Variants in PLEKHM2 observed in about 807,000 individuals in gnomAD.
PLEKHM2 encodes pleckstrin homology and RUN domain containing M2.
Under a neutral mutation model 116.3 loss-of-function variants are expected in PLEKHM2, and 77 were observed. The ratio of observed to expected loss-of-function variants is 0.66; its 90% CI spans 0.55 to 0.80. The LOEUF (loss-of-function observed/expected upper bound fraction) is 0.80, where lower values mean the gene tolerates loss of function less well. Ranked by LOEUF, PLEKHM2 falls within the 30% of genes least tolerant of loss-of-function variation. The pLI, the probability that PLEKHM2 is intolerant of heterozygous loss-of-function variation, is 0.00. For synonymous variants in PLEKHM2, 562 were observed against 571.0 expected, an observed-to-expected ratio of 0.98 and a Z score of 0.22; for missense variants, 1,183 against 1,354.9, an observed-to-expected ratio of 0.87 and a Z score of 1.99.
Position 15,728,799 on chromosome 1 carries a change from AG to A in PLEKHM2, c.1986+67del. The A allele has an allele frequency of 7.0e-7, 1 of 1,424,078 alleles. No homozygotes were observed. Among genetic ancestry groups the A allele is most frequent in the Non-Finnish European group, 9.7e-7 (1 of 1,026,636 alleles). The allele number at this position is 1,424,078 out of a possible 1,614,324, so 88.2% of individuals were successfully genotyped here. ...AGGGCTTCTCAAGCCACTTACCCAT[AG>A]AACTGCAGGGCGAGGCACGGCCCCT... On this transcript the variant is annotated intron_variant, in intron 12 of 19. Transcript: ENST00000375799. This position sits in a 1 kb window ranked among gnomAD's most constrained non-coding sequence, Gnocchi z 5.9.
intron 19 of PLEKHM2, among the ~76,000 whole-genome samples, chr1:15,733,221 C>T (rs563554983): frequency 1.3e-5 from 2 of 152,332 alleles, no homozygotes; most frequent in East Asian, 3.9e-4. Flanking sequence ...ATCAAAAGGA[C>T]AAAACCCTGA....
chr1:15,716,244 G>T lies in PLEKHM2; in HGVS notation c.68G>T (p.Ser23Ile). 1 of 1,576,260 alleles carries T rather than the reference G, an allele frequency of 6.3e-7. No individual in the cohort carries two copies. Among genetic ancestry groups the T allele is most frequent in the Non-Finnish European group, 8.6e-7 (1 of 1,156,116 alleles). ...TGTTTTTTTTTCTTTCAGTTGCAGA[G>T]CTATTTTGCTGCATGTGAGGATGAG... ...NISLSVKKLQ[S>I]YFAACEDEIP... Residue 23 changes from serine to isoleucine, a missense_variant, in exon 2 of 20, where the codon AGC (serine) becomes ATC (isoleucine). By Grantham distance (142) the Ser-to-Ile change is moderately radical. Around this residue, in one of 3 missense-constraint regions of PLEKHM2, gnomAD observed 217 missense variants for 277.6 expected, o/e 0.78. Coordinates refer to ENST00000375799, the MANE Select transcript of PLEKHM2 (RefSeq NM_015164.4).
At chr1:15,730,753 C>T (rs369931051) in intron 15 of PLEKHM2, 31 bp downstream of exon 15, 2 of 1,554,020 alleles carry the variant, frequency 1.3e-6, no homozygotes, top group South Asian at 1.2e-5. Context: ...AGGCCTGGGG[C>T]TTGGGCCCTG....
rs2067959945 is a variant in PLEKHM2 at position 15,719,591 on chromosome 1, C to T, written c.466-143C>T. The T allele has an allele frequency of 1.0e-5, 6 of 584,606 alleles. No homozygotes were observed. In the Admixed American group the frequency reaches 1.9e-4, roughly 18 times the overall value. 36.2% of individuals were successfully genotyped at this position (584,606 alleles called of 1,614,324 possible). A position where few individuals can be genotyped will look rare whatever the true frequency, so the allele number is the denominator to read the frequency against. ...ACACTATTCACATTGCTCTTCTTAG[C>T]AGCTTTTCTTTGAATTTACTACCTT... On this transcript the variant is annotated intron_variant, in intron 5 of 19. Coordinates refer to ENST00000375799, the MANE Select transcript of PLEKHM2 (RefSeq NM_015164.4). This position sits in a 1 kb window ranked among gnomAD's most constrained non-coding sequence, Gnocchi z 4.1.
At position 15,729,304 on chromosome 1, in the gene PLEKHM2, A is replaced by G. The variant is rs992118000; in HGVS notation, c.2075+114A>G. 6 of 837,434 alleles carry G rather than the reference A, an allele frequency of 7.2e-6. No homozygotes were observed. Among genetic ancestry groups the G allele is most frequent in the Non-Finnish European group, 1.2e-5 (6 of 501,166 alleles). 51.9% of individuals were successfully genotyped at this position (837,434 alleles called of 1,614,324 possible). On this transcript the variant is annotated intron_variant, in intron 13 of 19. Coordinates refer to ENST00000375799, the MANE Select transcript of PLEKHM2 (RefSeq NM_015164.4). This position sits in a 1 kb window ranked among gnomAD's most constrained non-coding sequence, Gnocchi z 4.7. ...GAAAGTGGGAGATCCAGGAGGGGAA[A>G]CCAGATGTATTCCCTCTGGAACCTG... is the stretch of plus-strand genomic sequence containing the variant.
intron 14 of PLEKHM2, 108 bp downstream of exon 14, chr1:15,730,037 T>C: frequency 3.0e-6 from 1 of 333,754 alleles, no homozygotes; most frequent in Non-Finnish European, 5.0e-6. Context: ...CATTTCACAA[T>C]CGCCTACCTG....
chr1:15,693,426 T>A (rs2148332860), intron 1 of PLEKHM2, among the ~76,000 whole-genome samples: 1 of 152,352 alleles, frequency 6.6e-6, no homozygotes. Flanking sequence ...CTTGTGACAC[T>A]GTGTGGTCCT....
rs776621339 is a variant in PLEKHM2 at position 15,721,555 on chromosome 1, A to G, written c.712+167A>G. Reference sequence around the variant, plus strand: ...TGGAATTCTGCAGTGGGAAAACTCAACCTCTAGCCATAGGCAAATCCCTTC... The same window carrying G: ...TGGAATTCTGCAGTGGGAAAACTCAGCCTCTAGCCATAGGCAAATCCCTTC... On this transcript the variant is annotated intron_variant, in intron 7 of 19. Transcript: ENST00000375799. This position sits in a 1 kb window ranked among gnomAD's most constrained non-coding sequence, Gnocchi z 5.1. Among the ~76,000 whole-genome samples, 7 of 151,996 alleles carry G rather than the reference A, an allele frequency of 4.6e-5. No homozygotes were observed. Among genetic ancestry groups the G allele is most frequent in the Admixed American group, 6.6e-5 (1 of 15,248 alleles).
In PLEKHM2 at chr1:15,732,473, A is replaced by G. The variant is rs1329615834; in HGVS notation, c.2749A>G (p.Lys917Glu). The change falls in exon 18 of 20, where the codon AAG (lysine) becomes GAG (glutamate). Residue 917 changes from lysine to glutamate, a missense_variant. Physicochemically the swap from Lys to Glu is moderately conservative, Grantham distance 56. This residue lies in a region of PLEKHM2 where 594 missense variants were observed against 720.1 expected (regional missense o/e 0.82). Transcript: ENST00000375799. ...TSFFRSLGTA[K>E]LGDISAVSTE... Reference sequence around the variant, plus strand: ...CTTCTTCCGCTCTTTGGGCACAGCCAAGCTGGGCGACATCAGCGCCGTCTC... The same window carrying G: ...CTTCTTCCGCTCTTTGGGCACAGCCGAGCTGGGCGACATCAGCGCCGTCTC... 1.2e-6 allele frequency: 2 copies of G among 1,605,754 alleles called. No homozygotes were observed. Among genetic ancestry groups the G allele is most frequent in the Non-Finnish European group, 8.5e-7 (1 of 1,176,518 alleles).
At chr1:15,685,718 G>A (rs1640757905) in intron 1 of PLEKHM2, among the ~76,000 whole-genome samples, 2 of 151,954 alleles carry the variant, frequency 1.3e-5, no homozygotes, top group African/African-American at 4.8e-5. Context: ...AGCAACACAG[G>A]CAAGCTATTT....
At chr1:15,716,564 ATGGTGTGAAGG>A (rs1319415993) in intron 2 of PLEKHM2, 132 bp from the exon 3 acceptor site, 6 of 757,796 alleles carry the variant, frequency 7.9e-6, no homozygotes, top group Non-Finnish European at 1.1e-5. Context: ...AAATGATATG[ATGGTGTGAAGG>A]TGTGCTGGGT....
Position 15,728,240 on chromosome 1 carries a change from CTGA to C in PLEKHM2, c.1831-26_1831-24del, listed in dbSNP as rs1557660869. The C allele has an allele frequency of 2.5e-6, 4 of 1,611,340 alleles. No individual in the cohort carries two copies. The highest frequency in any genetic ancestry group is 1.3e-5 in the African/African-American group (1 of 75,030). ...CGCTGGAGCGGCAGGAGCCACCTGC[CTGA>C]CCCTTGTCTGCTTCGGCCCCCAGAT... On this transcript the variant is annotated intron_variant, in intron 10 of 19. Transcript: ENST00000375799. The surrounding 1 kb of genome is among the most constrained non-coding windows in gnomAD (Gnocchi z 5.9).
At chr1:15,691,661 C>T (rs1441212977) in intron 1 of PLEKHM2, among the ~76,000 whole-genome samples, 6 of 152,150 alleles carry the variant, frequency 3.9e-5, no homozygotes, top group East Asian at 1.9e-4. Context: ...TAGTCGGGAT[C>T]GGGATTTACT....
At chr1:15,703,980 A>G (rs985509645) in intron 1 of PLEKHM2, among the ~76,000 whole-genome samples, 1 of 152,170 alleles carries the variant, frequency 6.6e-6, no homozygotes, top group Non-Finnish European at 1.5e-5. Flanking sequence ...TGCCTTTGAG[A>G]CAGAGGCCTC....
At chr1:15,686,942 G>A (rs887473638) in intron 1 of PLEKHM2, among the ~76,000 whole-genome samples, 1 of 151,748 alleles carries the variant, frequency 6.6e-6, no homozygotes, top group Non-Finnish European at 1.5e-5. Context: ...GAGCCACGGC[G>A]CCCAGCGTCT....
At chr1:15,699,365 C>T (rs1042349764) in intron 1 of PLEKHM2, among the ~76,000 whole-genome samples, 2 of 151,998 alleles carry the variant, frequency 1.3e-5, no homozygotes, top group African/African-American at 4.8e-5. Context: ...ACGATGGGCC[C>T]CAGTGTGTGA....
chr1:15,719,878 A>G lies in PLEKHM2; in HGVS notation c.610A>G (p.Asn204Asp). The change falls in exon 6 of 20, where the codon AAC (asparagine) becomes GAC (aspartate). Residue 204 changes from asparagine (N) to aspartate (D), a missense_variant. Physicochemically the swap from Asn to Asp is conservative, Grantham distance 23 (BLOSUM62 1). This residue lies in a region of PLEKHM2 where 217 missense variants were observed against 277.6 expected (regional missense o/e 0.78). Coordinates refer to ENST00000375799, the MANE Select transcript of PLEKHM2 (RefSeq NM_015164.4). The surrounding 1 kb of genome is among the most constrained non-coding windows in gnomAD (Gnocchi z 4.1). ...CTCTTTCAACTCCGTCACCTCCACC[A>G]ACCTGGAGTGGGATGACAGTGCGAT... ...LNSFNSVTSTNLEWDDSAIAP... is the reference protein window; with the variant it reads ...LNSFNSVTSTDLEWDDSAIAP... The G allele has an allele frequency of 1.2e-6, 2 of 1,613,644 alleles. No homozygotes were observed. Among genetic ancestry groups the G allele is most frequent in the Non-Finnish European group, 1.7e-6 (2 of 1,179,752 alleles).
At chr1:15,687,271 A>G (rs1640792883) in intron 1 of PLEKHM2, among the ~76,000 whole-genome samples, 1 of 151,760 alleles carries the variant, frequency 6.6e-6, no homozygotes, top group Non-Finnish European at 1.5e-5. Context: ...GGTTCACGCC[A>G]TTCTCCTGCC....
rs12741026 is a variant in PLEKHM2 at position 15,701,506 on chromosome 1, C to T, written c.61-14731C>T. ...TTGGCTAAGACTTAAAATACCCCAG[C>T]TGGCCGGGCACGGTGGCTCACGCCT... On this transcript the variant is annotated intron_variant, in intron 1 of 19. Coordinates refer to ENST00000375799, the MANE Select transcript of PLEKHM2 (RefSeq NM_015164.4). Among the ~76,000 whole-genome samples the T allele has an allele frequency of 6.2e-3, 936 of 150,234 alleles. 5 individuals carry two copies. Among genetic ancestry groups the T allele is most frequent in the Non-Finnish European group, 0.011 (732 of 67,562 alleles).
Sources: allele counts gnomAD v4.1 joint callset (sites outside exome capture counted in the v4.1 genomes callset), GRCh38; gene constraint gnomAD v4.1.1; regional missense constraint gnomAD v4.1.1; non-coding constraint Gnocchi (gnomAD v3.1); transcripts MANE v1.5; gene names NCBI Gene and HGNC (gene_info 2026-07-23, HGNC 2026-07-21).